The following ROBO1 variants were observed in gnomAD, a reference collection of about 807,000 sequenced individuals.
ROBO1 encodes roundabout homolog 1.
A neutral mutation model predicts 195.9 loss-of-function variants in ROBO1; 149 were observed. The ratio of observed to expected loss-of-function variants is 0.76; its 90% CI spans 0.67 to 0.87. ROBO1 has a LOEUF of 0.87. Among genes scored for constraint, ROBO1 ranks in the 40% least tolerant of loss-of-function variants. ROBO1 has a pLI of 0.00. For missense variants in ROBO1, 1,933 were observed against 2,068.3 expected, an observed-to-expected ratio of 0.93 and a Z score of 1.27; for synonymous variants, 816 against 733.2, an observed-to-expected ratio of 1.11 and a Z score of -1.82.
At chr3:79,091,572 G>A (rs2079480090) in intron 3 of ROBO1, among the ~76,000 whole-genome samples, 1 of 2,284 alleles carries the variant, frequency 4.4e-4, no homozygotes, top group South Asian at 0.05. Flanking sequence ...TATGATGCTC[G>A]AATTTTAATA....
chr3:78,726,964 G>A (rs531822534), intron 5 of ROBO1, among the ~76,000 whole-genome samples: 7 of 152,092 alleles, frequency 4.6e-5, no homozygotes, highest in African/African-American at 1.7e-4. Flanking sequence ...AATAGGAGGA[G>A]GTAAAGTAAT....
intron 2 of ROBO1, among the ~76,000 whole-genome samples, chr3:79,305,487 CAAAAAAA>C (rs755731665): frequency 7.2e-5 from 4 of 55,704 alleles, no homozygotes; most frequent in African/African-American, 2.5e-4. Context: ...AACTCCATCT[CAAAAAAA>C]AAAAAAAAAA....
At chr3:79,021,599 G>T (rs1550928) in intron 3 of ROBO1, among the ~76,000 whole-genome samples, 148,989 of 150,778 alleles carry the variant, frequency 0.99, 73,617 homozygotes, top group East Asian at 1. Context: ...CACCCTTGAT[G>T]TCTCAACTTC....
intron 1 of ROBO1, among the ~76,000 whole-genome samples, chr3:79,654,727 AT>A (rs34204120): frequency 0.56 from 84,736 of 151,548 alleles, 23,866 homozygotes; most frequent in South Asian, 0.67. Flanking sequence ...TTTTCTAGTG[AT>A]TTTTTTTCTT....
chr3:79,243,307 T>C (rs953490649), intron 2 of ROBO1, among the ~76,000 whole-genome samples: 6 of 152,274 alleles, frequency 3.9e-5, no homozygotes, highest in East Asian at 1.9e-4. Flanking sequence ...TGTGCATGTG[T>C]CTTTATAGCA....
intron 3 of ROBO1, among the ~76,000 whole-genome samples, chr3:79,039,769 T>C (rs2078448893): frequency 9.4e-6 from 1 of 106,322 alleles, no homozygotes; most frequent in Non-Finnish European, 1.7e-5. Flanking sequence ...GCCACTGTGC[T>C]CCAGCCTGGG....
intron 1 of ROBO1, among the ~76,000 whole-genome samples, chr3:79,617,083 G>T (rs1324495846): frequency 6.6e-6 from 1 of 152,078 alleles, no homozygotes; most frequent in Non-Finnish European, 1.5e-5. Context: ...GGGTATGATA[G>T]GGAAATGAAT....
chr3:78,998,929 T>C (rs895053509), intron 3 of ROBO1, among the ~76,000 whole-genome samples: 1 of 152,062 alleles, frequency 6.6e-6, no homozygotes, highest in African/African-American at 2.4e-5. Context: ...TATCTTCATA[T>C]TCTGTGATAT....
intron 2 of ROBO1, among the ~76,000 whole-genome samples, chr3:79,197,059 G>A (rs116647526): frequency 0.022 from 3,362 of 150,954 alleles, 102 homozygotes; most frequent in African/African-American, 0.073. Flanking sequence ...CTTGTTTTTC[G>A]TATTATTATA....
chr3:79,501,718 G>A (rs1012973592), intron 2 of ROBO1, among the ~76,000 whole-genome samples: 1 of 152,072 alleles, frequency 6.6e-6, no homozygotes, highest in Non-Finnish European at 1.5e-5. Flanking sequence ...AGAAATCTTC[G>A]TAATCCCATG....
chr3:79,122,204 AG>A (rs2080130161), intron 3 of ROBO1, among the ~76,000 whole-genome samples: 1 of 152,032 alleles, frequency 6.6e-6, no homozygotes, highest in Admixed American at 6.6e-5. Flanking sequence ...CTTGCAACAA[AG>A]GCTATATGCC....
At chr3:79,181,945 T>C (rs992030410) in intron 2 of ROBO1, among the ~76,000 whole-genome samples, 19 of 146,524 alleles carry the variant, frequency 1.3e-4, no homozygotes, top group African/African-American at 4.5e-4. Flanking sequence ...AAAAAAAAAA[T>C]TAAGAAAATG....
At chr3:78,869,598 C>T (rs2035417778) in intron 4 of ROBO1, among the ~76,000 whole-genome samples, 1 of 152,058 alleles carries the variant, frequency 6.6e-6, no homozygotes, top group African/African-American at 2.4e-5. Flanking sequence ...GCTGGGACCA[C>T]AAGTGCGCCT....
intron 3 of ROBO1, among the ~76,000 whole-genome samples, chr3:78,970,522 A>G (rs1236668992): frequency 1.3e-5 from 2 of 152,198 alleles, no homozygotes; most frequent in Non-Finnish European, 2.9e-5. Flanking sequence ...AACTAAAATC[A>G]TAATTGTTGT....
chr3:79,550,190 AGAAAG>A (rs1177070860), intron 2 of ROBO1, among the ~76,000 whole-genome samples: 4 of 101,658 alleles, frequency 3.9e-5, no homozygotes, highest in Non-Finnish European at 8.2e-5. Context: ...AAAGAAAGAA[AGAAAG>A]GAAAAGAAAA....
At chr3:79,301,105 A>C (rs1045462722) in intron 2 of ROBO1, among the ~76,000 whole-genome samples, 3 of 152,014 alleles carry the variant, frequency 2.0e-5, no homozygotes, top group African/African-American at 7.2e-5. Flanking sequence ...TTTGCAATAA[A>C]TGTTGCTACT....
intron 2 of ROBO1, among the ~76,000 whole-genome samples, chr3:79,153,769 A>G (rs1187410926): frequency 6.7e-6 from 1 of 148,226 alleles, no homozygotes; most frequent in East Asian, 2.0e-4. Flanking sequence ...AATATTGTTT[A>G]TATGTAATAT....
intron 2 of ROBO1, among the ~76,000 whole-genome samples, chr3:79,173,607 C>A (rs370981481): frequency 3.3e-5 from 5 of 152,112 alleles, no homozygotes; most frequent in Admixed American, 6.5e-5. Context: ...GAGCCTCCCC[C>A]ACTCCATGGG....
chr3:79,393,500 A>G (rs1451899808), intron 2 of ROBO1, among the ~76,000 whole-genome samples: 1 of 152,222 alleles, frequency 6.6e-6, no homozygotes, highest in Non-Finnish European at 1.5e-5. Flanking sequence ...AAAGTTGTTC[A>G]ATGACTTTGT....
Sources: gnomAD v4.1 joint callset for allele counts (sites outside exome capture counted in the v4.1 genomes callset) on GRCh38, gnomAD v4.1.1 for gene constraint, MANE v1.5 for transcripts, NCBI Gene and HGNC (gene_info 2026-07-23, HGNC 2026-07-21) for gene names.